Variants in SHISA6 observed in about 807,000 individuals in gnomAD.
The protein encoded by SHISA6 is protein shisa-6.
Under a neutral mutation model 47.9 loss-of-function variants are expected in SHISA6, and 22 were observed. That is an observed-to-expected ratio of 0.46 (90% confidence interval 0.33 to 0.66). The LOEUF (loss-of-function observed/expected upper bound fraction) is 0.66. Among genes scored for constraint, SHISA6 ranks in the 30% least tolerant of loss-of-function variants. SHISA6 has a pLI of 0.02. For missense variants in SHISA6, 680 were observed against 764.6 expected, an observed-to-expected ratio of 0.89 and a Z score of 1.30; for synonymous variants, 388 against 337.8, an observed-to-expected ratio of 1.15 and a Z score of -1.63.
At chr17:11,437,269 A>G (rs1485331177) in intron 3 of SHISA6, among the ~76,000 whole-genome samples, 2 of 152,278 alleles carry the variant, frequency 1.3e-5, no homozygotes, top group East Asian at 3.9e-4. Flanking sequence ...AGGACCATTC[A>G]CTTTCAGACT....
intron 2 of SHISA6, among the ~76,000 whole-genome samples, chr17:11,283,029 G>C (rs1038370167): frequency 6.6e-6 from 1 of 152,178 alleles, no homozygotes; most frequent in South Asian, 2.1e-4. Flanking sequence ...AAAGATCATT[G>C]AATTTGGAGC....
chr17:11,421,224 T>C (rs1914444517), intron 3 of SHISA6, among the ~76,000 whole-genome samples: 1 of 152,208 alleles, frequency 6.6e-6, no homozygotes, highest in African/African-American at 2.4e-5. Context: ...TAAAGTACTG[T>C]GTTAAGAACA....
At chr17:11,402,151 T>C (rs1041207360) in intron 3 of SHISA6, among the ~76,000 whole-genome samples, 7 of 152,298 alleles carry the variant, frequency 4.6e-5, no homozygotes, top group South Asian at 2.1e-4. Context: ...TTGTTTAGCA[T>C]GGCCCCTAGC....
intron 2 of SHISA6, among the ~76,000 whole-genome samples, chr17:11,313,005 G>T (rs766901703): frequency 6.6e-6 from 1 of 152,076 alleles, no homozygotes; most frequent in Non-Finnish European, 1.5e-5. Context: ...AATTTCCCTG[G>T]TGTAAAAATT....
At chr17:11,263,625 G>A (rs1029878522) in intron 2 of SHISA6, 99 bp downstream of exon 2, 1 of 1,421,246 alleles carries the variant, frequency 7.0e-7, no homozygotes, top group Non-Finnish European at 9.6e-7. Flanking sequence ...ATGATGGTGT[G>A]ATGAGGGACT....
chr17:11,339,766 A>T (rs1177738153), intron 2 of SHISA6, among the ~76,000 whole-genome samples: 1 of 152,134 alleles, frequency 6.6e-6, no homozygotes, highest in Non-Finnish European at 1.5e-5. Flanking sequence ...CCAGGGGAGG[A>T]TTCCCTTTTG....
At chr17:11,268,636 A>C (rs1908520295) in intron 2 of SHISA6, among the ~76,000 whole-genome samples, 1 of 152,148 alleles carries the variant, frequency 6.6e-6, no homozygotes, top group Admixed American at 6.5e-5. Context: ...CTTTTCTCAG[A>C]GCACTTACAT....
At chr17:11,515,376 G>A (rs1250810409) in intron 3 of SHISA6, among the ~76,000 whole-genome samples, 1 of 151,046 alleles carries the variant, frequency 6.6e-6, no homozygotes, top group Non-Finnish European at 1.5e-5. Flanking sequence ...GAGAGAAAAT[G>A]CTCCAAATAA....
chr17:11,383,553 A>C (rs1340162543), intron 3 of SHISA6, among the ~76,000 whole-genome samples: 1 of 151,924 alleles, frequency 6.6e-6, no homozygotes, highest in Non-Finnish European at 1.5e-5. Flanking sequence ...TTTTGTCTAG[A>C]AGGTCCCACA....
At chr17:11,390,376 C>A (rs1336239952) in intron 3 of SHISA6, among the ~76,000 whole-genome samples, 1 of 152,084 alleles carries the variant, frequency 6.6e-6, no homozygotes, top group African/African-American at 2.4e-5. Context: ...TCTGAGCACT[C>A]AAGCAATGGT....
chr17:11,449,689 T>TA (rs1915331734), intron 3 of SHISA6, among the ~76,000 whole-genome samples: 1 of 152,288 alleles, frequency 6.6e-6, no homozygotes, highest in East Asian at 1.9e-4. Context: ...AACAAAAAGA[T>TA]ACATTCATTT....
At chr17:11,407,398 T>C (rs1199944504) in intron 3 of SHISA6, among the ~76,000 whole-genome samples, 2 of 152,216 alleles carry the variant, frequency 1.3e-5, no homozygotes, top group African/African-American at 4.8e-5. Context: ...TCCAGCATAA[T>C]CAAATTTCTC....
chr17:11,490,815 C>T (rs985604003), intron 3 of SHISA6, among the ~76,000 whole-genome samples: 4 of 152,228 alleles, frequency 2.6e-5, no homozygotes, highest in Non-Finnish European at 4.4e-5. Flanking sequence ...GAGGAATGCT[C>T]ATCTATAGGA....
chr17:11,388,840 A>T (rs1249948644), intron 3 of SHISA6, among the ~76,000 whole-genome samples: 4,493 of 106,026 alleles, frequency 0.042, 289 homozygotes, highest in Admixed American at 0.099. Context: ...ATATATATAT[A>T]TTTTAAAAAA....
intron 2 of SHISA6, among the ~76,000 whole-genome samples, chr17:11,347,262 AAAC>A (rs1215029981): frequency 1.3e-5 from 2 of 152,170 alleles, no homozygotes; most frequent in Non-Finnish European, 2.9e-5. Flanking sequence ...AGAGGAAAAG[AAAC>A]AACAACAACA....
chr17:11,454,004 G>T (rs992254506), intron 3 of SHISA6, among the ~76,000 whole-genome samples: 3 of 152,200 alleles, frequency 2.0e-5, no homozygotes, highest in Admixed American at 1.3e-4. Context: ...AAATATCTAG[G>T]AGAGGGATTG....
chr17:11,285,371 A>G (rs1198692373), intron 2 of SHISA6, among the ~76,000 whole-genome samples: 1 of 152,170 alleles, frequency 6.6e-6, no homozygotes, highest in Non-Finnish European at 1.5e-5. Context: ...GCTTGTTGCA[A>G]ATGATACATC....
chr17:11,256,584 A>T (rs1908016401), intron 1 of SHISA6, among the ~76,000 whole-genome samples: 1 of 152,216 alleles, frequency 6.6e-6, no homozygotes, highest in Non-Finnish European at 1.5e-5. Context: ...AGGTACAGTT[A>T]TGAACTCATC....
intron 2 of SHISA6, among the ~76,000 whole-genome samples, chr17:11,337,648 C>T (rs1911372060): frequency 6.6e-6 from 1 of 152,150 alleles, no homozygotes; most frequent in Non-Finnish European, 1.5e-5. Flanking sequence ...TGAGAATCAG[C>T]TTATAGGTTA....
Sources: gnomAD v4.1 joint callset for allele counts (sites outside exome capture counted in the v4.1 genomes callset) on GRCh38, gnomAD v4.1.1 for gene constraint, MANE v1.5 for transcripts, NCBI Gene and HGNC (gene_info 2026-07-23, HGNC 2026-07-21) for gene names.